The following SLC26A5 variants were observed in gnomAD, a reference collection of about 807,000 sequenced individuals.
SLC26A5 encodes solute carrier family 26 member 5, also known as prestin.
In SLC26A5, 51 loss-of-function variants were observed where a neutral mutation model predicts 81.0. The ratio of observed to expected loss-of-function variants is 0.63; its 90% confidence interval spans 0.50 to 0.80. The LOEUF (loss-of-function observed/expected upper bound fraction) is 0.80, where lower values mean the gene tolerates loss of function less well. SLC26A5 is among the 30% of genes least tolerant of loss of function. The pLI is 0.00. For synonymous variants in SLC26A5, 325 were observed against 332.8 expected (o/e 0.98, Z 0.25); for missense variants, 771 against 905.8 (o/e 0.85, Z 1.91).
chr7:103,378,224 T>C (rs190661621), intron 17 of SLC26A5, among the ~76,000 whole-genome samples: 2 of 152,322 alleles, frequency 1.3e-5, no homozygotes, highest in African/African-American at 2.4e-5. Flanking sequence ...TAAGGTATTG[T>C]GTAATTTTTA....
chr7:103,383,388 C>T (rs1821942403), intron 14 of SLC26A5, among the ~76,000 whole-genome samples: 1 of 152,126 alleles, frequency 6.6e-6, no homozygotes, highest in Non-Finnish European at 1.5e-5. Context: ...TGAGCTGGGC[C>T]TCAAAGGATG....
chr7:103,376,216 C>T (rs1821344042), intron 19 of SLC26A5, among the ~76,000 whole-genome samples: 1 of 151,560 alleles, frequency 6.6e-6, no homozygotes, highest in Admixed American at 6.6e-5. Flanking sequence ...GCTGGGATTA[C>T]AGGCATGCGC....
chr7:103,384,513 G>A (rs1268428301), intron 14 of SLC26A5, among the ~76,000 whole-genome samples: 3 of 151,996 alleles, frequency 2.0e-5, no homozygotes, highest in South Asian at 2.1e-4. Flanking sequence ...TCAAGAGGAT[G>A]AGGCAGAGGC....
At chr7:103,372,567 A>G (rs566094358), downstream of SLC26A5, among the ~76,000 whole-genome samples, 9 of 152,330 alleles carry the variant, frequency 5.9e-5, no homozygotes, top group African/African-American at 2.2e-4. Context: ...CCAACCTTTG[A>G]CATTCCATGT....
rs759714876 is a variant in SLC26A5 at position 103,410,414 on chromosome 7, G to T, written c.706C>A (p.Arg236=). The part of the protein sequence containing the change: ...LKYLFGVKTK[R]YSGIFSVVYS... ...ACCACGGAAAAGATTCCACTGTACC[G>T]CTTTGTTTTAACTCCAAACAGATAT... Residue 236 remains arginine, a synonymous_variant, in exon 7 of 20, where the codon CGG becomes AGG. Transcript: ENST00000306312. The T allele has an allele frequency of 1.3e-5, 21 of 1,614,004 alleles. No homozygotes were observed. The highest frequency in any genetic ancestry group is 1.7e-5 in the Non-Finnish European group (20 of 1,179,926).
At chr7:103,378,357 G>C (rs575293791) in intron 17 of SLC26A5, 89 bp downstream of exon 17, 1 of 1,272,690 alleles carries the variant, frequency 7.9e-7, no homozygotes. Flanking sequence ...TAGTAACTTC[G>C]TGCTGTGTTT....
In SLC26A5 at chr7:103,407,943, GC is replaced by G. The variant is rs775969205; in HGVS notation, c.795del (p.Leu266Ter). On this transcript the variant is annotated frameshift_variant, in exon 8 of 20. Coordinates refer to ENST00000306312, the MANE Select transcript of SLC26A5 (RefSeq NM_198999.3). LOFTEE classifies it high-confidence loss of function. ...CCCAACAGCAAACCAAAAACCATCAGCCCGACGCCTAGGGAACACACGTTGA... is the reference window on the plus strand; with the variant it reads ...CCCAACAGCAAACCAAAAACCATCAGCCGACGCCTAGGGAACACACGTTGA... ...KNLNVCSLGV[G>X]LMVFGLLLGG... is the part of the protein sequence containing the mutation. The G allele has an allele frequency of 1.2e-6, 2 of 1,614,152 alleles. No homozygotes were observed. The highest frequency in any genetic ancestry group is 1.7e-6 in the Non-Finnish European group (2 of 1,180,028).
intron 3 of SLC26A5, 118 bp from the exon 4 acceptor site, chr7:103,420,995 GGTGA>G (rs1216027558): frequency 6.2e-6 from 7 of 1,134,396 alleles, no homozygotes; most frequent in Non-Finnish European, 3.9e-6. Context: ...ATTTCCAATT[GGTGA>G]TTCAAGATGT....
At chr7:103,361,137 A>AT (rs1197044834) in intron 19 of SLC26A5, among the ~76,000 whole-genome samples, 2 of 147,582 alleles carry the variant, frequency 1.4e-5, no homozygotes, top group East Asian at 4.0e-4. Flanking sequence ...AGAAAAAAAA[A>AT]CAAGCTTCTA....
At chr7:103,389,497 C>T (rs1822471693) in intron 12 of SLC26A5, 73 bp from the exon 13 acceptor site, 6 of 1,085,760 alleles carry the variant, frequency 5.5e-6, no homozygotes, top group South Asian at 1.3e-5. Flanking sequence ...CCTCACTGTC[C>T]TCCTGCTGTC....
intron 2 of SLC26A5, among the ~76,000 whole-genome samples, chr7:103,436,543 T>C (rs1435565140): frequency 6.6e-6 from 1 of 152,082 alleles, no homozygotes; most frequent in African/African-American, 2.4e-5. Context: ...ATACCACCAA[T>C]ACCAATACAA....
At chr7:103,420,924 T>C in intron 3 of SLC26A5, 47 bp from the exon 4 acceptor site, 1 of 1,565,656 alleles carries the variant, frequency 6.4e-7, no homozygotes, top group Non-Finnish European at 8.8e-7. Flanking sequence ...ATGAGAAACA[T>C]CTCTGTAGAA....
At chr7:103,359,626 C>T (rs533767101) in intron 19 of SLC26A5, among the ~76,000 whole-genome samples, 13 of 152,246 alleles carry the variant, frequency 8.5e-5, no homozygotes, top group African/African-American at 3.1e-4. Context: ...AAGGTTCATC[C>T]GTATTCTAAA....
At chr7:103,420,507 C>G (rs1825263284) in intron 4 of SLC26A5, among the ~76,000 whole-genome samples, 1 of 151,956 alleles carries the variant, frequency 6.6e-6, no homozygotes, top group Admixed American at 6.6e-5. Flanking sequence ...CACTTTGTTG[C>G]CCAGGCTGGT....
At chr7:103,382,804 C>T (rs1293046843) in intron 14 of SLC26A5, among the ~76,000 whole-genome samples, 1 of 152,088 alleles carries the variant, frequency 6.6e-6, no homozygotes, top group African/African-American at 2.4e-5. Context: ...ACATTATTAA[C>T]AATCCTGCCA....
chr7:103,361,921 G>T (rs1820436885), intron 19 of SLC26A5: 6 of 1,580,600 alleles, frequency 3.8e-6, no homozygotes, highest in Non-Finnish European at 5.1e-6. Flanking sequence ...TAGTGGCTTA[G>T]GTTCCTTATT....
At chr7:103,381,396 C>T (rs1488543481) in intron 14 of SLC26A5, among the ~76,000 whole-genome samples, 1 of 151,006 alleles carries the variant, frequency 6.6e-6, no homozygotes, top group Non-Finnish European at 1.5e-5. Context: ...TGCATACACA[C>T]TACACACAAA....
At chr7:103,420,387 T>C (rs59586827) in intron 4 of SLC26A5, among the ~76,000 whole-genome samples, 8,499 of 151,104 alleles carry the variant, frequency 0.056, 765 homozygotes, top group African/African-American at 0.2. Flanking sequence ...CCTTGAACTT[T>C]GGGGCTCAAA....
intron 2 of SLC26A5, among the ~76,000 whole-genome samples, chr7:103,430,012 C>T (rs187991412): frequency 9.2e-5 from 14 of 152,054 alleles, no homozygotes; most frequent in South Asian, 2.1e-4. Flanking sequence ...CGTTAATATC[C>T]GTAGAGGCAA....
Sources: gnomAD v4.1 joint callset for allele counts (sites outside exome capture counted in the v4.1 genomes callset) on GRCh38, gnomAD v4.1.1 for gene constraint, MANE v1.5 for transcripts, NCBI Gene and HGNC (gene_info 2026-07-23, HGNC 2026-07-21) for gene names.